The following ZBTB20 variants were observed in gnomAD, a reference collection of about 807,000 sequenced individuals.
The protein encoded by ZBTB20 is zinc finger and BTB domain containing 20.
In ZBTB20, 9 loss-of-function variants were observed where a neutral mutation model predicts 56.9. The ratio of observed to expected loss-of-function variants is 0.16; its 90% CI spans 0.10 to 0.28. The LOEUF is 0.28. ZBTB20 is among the 10% of genes least tolerant of loss of function. The probability of loss-of-function intolerance (pLI) is 1.00; values close to 1 mark genes in which losing one functional copy is unlikely to be tolerated. For missense variants in ZBTB20, 655 were observed against 1,003.0 expected (o/e 0.65, Z 4.69); for synonymous variants, 417 against 420.7 (o/e 0.99, Z 0.11).
At chr3:114,681,045 T>C (rs561942448) in intron 6 of ZBTB20, among the ~76,000 whole-genome samples, 3 of 152,338 alleles carry the variant, frequency 2.0e-5, no homozygotes, top group Admixed American at 6.5e-5. Flanking sequence ...CTATTTCTTG[T>C]TTAGGCAAGA....
rs1560551440 is a variant in ZBTB20 at position 115,076,520 on chromosome 3, T to C, written c.-702-5106A>G. On this transcript the variant is annotated intron_variant, in intron 1 of 11. Coordinates refer to ENST00000675478, the MANE Select transcript of ZBTB20 (RefSeq NM_001348800.3). ...GCAAAATAATAAAATTGGACCTTTA[T>C]CTTACAACATACACAAAAATAAACT... 3.3e-5 allele frequency among the ~76,000 whole-genome samples: 5 copies of C among 152,280 alleles called. No homozygotes were observed. In the South Asian group the frequency reaches 1.0e-3, roughly 32 times the overall value.
intron 3 of ZBTB20, among the ~76,000 whole-genome samples, chr3:114,959,857 C>T (rs1273253487): frequency 1.3e-5 from 2 of 151,972 alleles, no homozygotes; most frequent in South Asian, 4.1e-4. Flanking sequence ...AAAAAGCTAG[C>T]TGCAGATAAG....
chr3:114,445,061 T>G (rs572163387), intron 7 of ZBTB20, among the ~76,000 whole-genome samples: 1 of 152,158 alleles, frequency 6.6e-6, no homozygotes, highest in African/African-American at 2.4e-5. Context: ...ATGCTGACAT[T>G]TGCTTTGTCA....
chr3:114,729,950 C>T (rs6438217), intron 5 of ZBTB20, among the ~76,000 whole-genome samples: 110,232 of 147,912 alleles, frequency 0.75, 41,954 homozygotes, highest in Non-Finnish European at 0.83. Context: ...ATCACACATC[C>T]GGCTAATTTT....
intron 3 of ZBTB20, among the ~76,000 whole-genome samples, chr3:114,915,363 A>C (rs892044756): frequency 6.6e-6 from 1 of 151,936 alleles, no homozygotes; most frequent in Non-Finnish European, 1.5e-5. Flanking sequence ...ATGTATTAAT[A>C]GTTGCTTATA....
intron 1 of ZBTB20, among the ~76,000 whole-genome samples, chr3:115,072,254 A>C (rs2082436463): frequency 6.6e-6 from 1 of 152,154 alleles, no homozygotes; most frequent in South Asian, 2.1e-4. Context: ...ATATCACCCC[A>C]GAGTTTAAAA....
chr3:114,728,169 G>A (rs939020153), intron 5 of ZBTB20, among the ~76,000 whole-genome samples: 1 of 152,124 alleles, frequency 6.6e-6, no homozygotes, highest in African/African-American at 2.4e-5. Flanking sequence ...TTCCTAGGAG[G>A]TCCCAATTCA....
At chr3:114,699,931 AG>A (rs1259618073) in intron 5 of ZBTB20, among the ~76,000 whole-genome samples, 1 of 152,138 alleles carries the variant, frequency 6.6e-6, no homozygotes, top group Non-Finnish European at 1.5e-5. Flanking sequence ...TTCACAGCAC[AG>A]ACTAAATCAA....
intron 3 of ZBTB20, among the ~76,000 whole-genome samples, chr3:114,958,059 T>G (rs1361532883): frequency 6.6e-6 from 1 of 152,202 alleles, no homozygotes; most frequent in Non-Finnish European, 1.5e-5. Flanking sequence ...TCCATTTGAG[T>G]GTCTCTACAC....
At chr3:114,884,437 G>GT (rs1481761040) in intron 4 of ZBTB20, among the ~76,000 whole-genome samples, 3 of 152,058 alleles carry the variant, frequency 2.0e-5, no homozygotes, top group African/African-American at 7.2e-5. Flanking sequence ...TTTTCACATA[G>GT]TATCAGCCTG....
intron 3 of ZBTB20, among the ~76,000 whole-genome samples, chr3:114,954,124 A>G (rs2077167757): frequency 6.6e-6 from 1 of 152,148 alleles, no homozygotes; most frequent in African/African-American, 2.4e-5. Context: ...TTTATGAAAC[A>G]GGCTTGTTAC....
At chr3:115,059,235 G>T (rs2081929372) in intron 2 of ZBTB20, among the ~76,000 whole-genome samples, 1 of 151,594 alleles carries the variant, frequency 6.6e-6, no homozygotes, top group South Asian at 2.1e-4. Flanking sequence ...ATTTTATTTT[G>T]ATGTCATTCA....
At chr3:114,677,425 G>A (rs750316050) in intron 6 of ZBTB20, among the ~76,000 whole-genome samples, 3 of 152,160 alleles carry the variant, frequency 2.0e-5, no homozygotes, top group Non-Finnish European at 4.4e-5. Flanking sequence ...CCTACTGTCA[G>A]ATCAGCAGCA....
At chr3:114,997,462 A>C (rs569643082) in intron 2 of ZBTB20, among the ~76,000 whole-genome samples, 5 of 151,890 alleles carry the variant, frequency 3.3e-5, no homozygotes, top group Non-Finnish European at 7.4e-5. Flanking sequence ...ATAATACATG[A>C]AAAGTCAAAA....
chr3:114,501,527 G>A (rs1327917617), intron 6 of ZBTB20, among the ~76,000 whole-genome samples: 1 of 150,200 alleles, frequency 6.7e-6, no homozygotes, highest in African/African-American at 2.4e-5. Flanking sequence ...TTGGGAGGCC[G>A]AGGCAGGAGA....
At chr3:114,387,035 A>G (rs148153463) in intron 8 of ZBTB20, among the ~76,000 whole-genome samples, 347 of 152,262 alleles carry the variant, frequency 2.3e-3, no homozygotes, top group African/African-American at 7.9e-3. Context: ...CAAATTTTAA[A>G]TGACTGAGTA....
chr3:114,807,284 G>A (rs1333370460), intron 4 of ZBTB20, among the ~76,000 whole-genome samples: 1 of 151,844 alleles, frequency 6.6e-6, no homozygotes, highest in Non-Finnish European at 1.5e-5. Flanking sequence ...TGTGGTGGGG[G>A]AGGTGTATGT....
At chr3:114,531,564 C>T (rs2047845644) in intron 6 of ZBTB20, among the ~76,000 whole-genome samples, 1 of 152,164 alleles carries the variant, frequency 6.6e-6, no homozygotes, top group Non-Finnish European at 1.5e-5. Context: ...AGCTTTCTCA[C>T]AATCAGGACT....
chr3:114,416,983 T>C (rs1418066438), intron 7 of ZBTB20, among the ~76,000 whole-genome samples: 1 of 152,034 alleles, frequency 6.6e-6, no homozygotes, highest in Non-Finnish European at 1.5e-5. Flanking sequence ...AAGAACCAAA[T>C]GGTGGTGGAA....
Sources: gnomAD v4.1 joint callset for allele counts (sites outside exome capture counted in the v4.1 genomes callset) on GRCh38, gnomAD v4.1.1 for gene constraint, MANE v1.5 for transcripts, NCBI Gene and HGNC (gene_info 2026-07-23, HGNC 2026-07-21) for gene names.